The following CEP128 variants were observed in gnomAD, a reference collection of about 807,000 sequenced individuals.
CEP128 encodes the protein centrosomal protein 128kDa.
In CEP128, 132 loss-of-function variants were observed where a neutral mutation model predicts 156.7. The ratio of observed to expected loss-of-function variants is 0.84; its 90% CI spans 0.73 to 0.97. The LOEUF (loss-of-function observed/expected upper bound fraction) is 0.97. CEP128 is among the 50% of genes least tolerant of loss of function. The pLI is 0.00. For synonymous variants in CEP128, 469 were observed against 448.9 expected (o/e 1.04, Z -0.57); for missense variants, 1,252 against 1,281.9 (o/e 0.98, Z 0.36).
intron 2 of CEP128, among the ~76,000 whole-genome samples, chr14:80,925,333 T>A (rs551969993): frequency 2.3e-4 from 34 of 151,046 alleles, no homozygotes; most frequent in Non-Finnish European, 4.1e-4. Context: ...AGGTGGCCAA[T>A]GAGATTGAGA....
At chr14:80,532,007 G>A (rs957623351) in intron 21 of CEP128, among the ~76,000 whole-genome samples, 14 of 152,056 alleles carry the variant, frequency 9.2e-5, no homozygotes, top group Non-Finnish European at 1.2e-4. Context: ...TGGATTTCAC[G>A]TGAGTCACAC....
chr14:80,601,820 T>G (rs1220928890), intron 19 of CEP128, among the ~76,000 whole-genome samples: 1 of 152,186 alleles, frequency 6.6e-6, no homozygotes, highest in Non-Finnish European at 1.5e-5. Flanking sequence ...TATTACCTTA[T>G]GGGAACACTG....
intron 2 of CEP128, among the ~76,000 whole-genome samples, chr14:80,953,106 A>G (rs540263518): frequency 1.3e-5 from 2 of 152,380 alleles, no homozygotes; most frequent in Non-Finnish European, 2.9e-5. Flanking sequence ...ACAAACTCCT[A>G]TAGAAATTTA....
In CEP128 at chr14:80,884,789, C is replaced by T. The variant is rs562662618; in HGVS notation, c.645+10929G>A. 2.0e-5 allele frequency among the ~76,000 whole-genome samples: 3 copies of T among 152,262 alleles called. No homozygotes were observed. The East Asian group carries it at 5.8e-4, about 29-fold the overall frequency. ...TTTTTCTTTTGTAGCCCAGTGGTGC[C>T]TGGAACCCCAGCGAGACAGAACTGT... On this transcript the variant is annotated intron_variant, in intron 8 of 24. Transcript: ENST00000555265.
chr14:80,945,176 G>C (rs1886309872), upstream of CEP128, among the ~76,000 whole-genome samples: 3 of 152,150 alleles, frequency 2.0e-5, no homozygotes, highest in South Asian at 6.2e-4. Context: ...TCTTTGGCTT[G>C]CAGAGATCCA....
At chr14:80,702,252 T>C (rs1015751856) in intron 19 of CEP128, among the ~76,000 whole-genome samples, 8 of 152,306 alleles carry the variant, frequency 5.3e-5, no homozygotes, top group African/African-American at 1.9e-4. Flanking sequence ...TAGTAGGCAC[T>C]AAACAAATAT....
intron 19 of CEP128, among the ~76,000 whole-genome samples, chr14:80,643,507 A>T (rs1894507611): frequency 1.3e-5 from 2 of 152,172 alleles, no homozygotes; most frequent in African/African-American, 4.8e-5. Flanking sequence ...TCATGAGGTC[A>T]GGAGATCAAG....
chr14:80,947,473 G>A lies in CEP128; in HGVS notation c.-171-7933C>T, dbSNP rs562721990. On this transcript the variant is annotated intron_variant, in intron 2 of 7. Coordinates refer to the CEP128 transcript ENST00000555529. ...TGTGTAATTTGTTGTAGGACCCTGT[G>A]AAAAATGAATATGCTAAGCCCTTTT... Among the ~76,000 whole-genome samples, 7 of 147,400 alleles carry A rather than the reference G, an allele frequency of 4.7e-5. No homozygotes were observed. In the South Asian group the frequency reaches 6.5e-4, roughly 14 times the overall value.
chr14:80,762,747 A>G (rs1268660213), intron 16 of CEP128, among the ~76,000 whole-genome samples: 1 of 152,086 alleles, frequency 6.6e-6, no homozygotes, highest in Non-Finnish European at 1.5e-5. Context: ...GTCTCCCCAG[A>G]CCACATCTGA....
At chr14:80,954,753 C>A (rs889629763) in intron 2 of CEP128, among the ~76,000 whole-genome samples, 1 of 152,216 alleles carries the variant, frequency 6.6e-6, no homozygotes, top group Admixed American at 6.5e-5. Context: ...ATCTTTTTGG[C>A]TACTGTGCGA....
chr14:80,637,683 C>A (rs753465211), intron 19 of CEP128, among the ~76,000 whole-genome samples: 1 of 152,088 alleles, frequency 6.6e-6, no homozygotes, highest in Admixed American at 6.5e-5. Flanking sequence ...GGTCTTAAAC[C>A]GTGAAACCTG....
chr14:80,654,119 G>A (rs1895030677), intron 19 of CEP128, among the ~76,000 whole-genome samples: 1 of 152,142 alleles, frequency 6.6e-6, no homozygotes, highest in Non-Finnish European at 1.5e-5. Flanking sequence ...TTTGACCTCA[G>A]GAGGAAGAGA....
At chr14:80,658,190 T>C (rs928158094) in intron 19 of CEP128, among the ~76,000 whole-genome samples, 4 of 152,244 alleles carry the variant, frequency 2.6e-5, no homozygotes, top group African/African-American at 9.6e-5. Flanking sequence ...TTGTCATTTC[T>C]GATCTGACAT....
chr14:80,494,525 T>C (rs1362483408), downstream of CEP128, among the ~76,000 whole-genome samples: 1 of 152,208 alleles, frequency 6.6e-6, no homozygotes, highest in Non-Finnish European at 1.5e-5. Context: ...CATCTCCTTA[T>C]ATGTAAGAAT....
At chr14:80,559,335 C>A (rs762747683) in intron 20 of CEP128, 33 bp from the exon 21 acceptor site, 2 of 1,551,934 alleles carry the variant, frequency 1.3e-6, no homozygotes, top group African/African-American at 2.8e-5. Context: ...AATTATAAAA[C>A]GAAGGCTGTT....
chr14:80,601,147 CAAAAG>C (rs1892565074), intron 19 of CEP128, among the ~76,000 whole-genome samples: 3 of 151,666 alleles, frequency 2.0e-5, no homozygotes, highest in Admixed American at 2.0e-4. Flanking sequence ...ATGTATTTAA[CAAAAG>C]AAAAGGCAAT....
chr14:80,850,880 C>A (rs781099136), intron 9 of CEP128, among the ~76,000 whole-genome samples: 1 of 151,960 alleles, frequency 6.6e-6, no homozygotes, highest in South Asian at 2.1e-4. Context: ...ACCCACTATA[C>A]GAAAATGTTA....
intron 13 of CEP128, among the ~76,000 whole-genome samples, chr14:80,808,091 G>A (rs1185551706): frequency 6.6e-6 from 1 of 152,218 alleles, no homozygotes; most frequent in Non-Finnish European, 1.5e-5. Context: ...ACCACCAGTA[G>A]TGGCACAAAC....
intron 19 of CEP128, among the ~76,000 whole-genome samples, chr14:80,614,209 G>A (rs1893119981): frequency 6.6e-6 from 1 of 152,166 alleles, no homozygotes; most frequent in Non-Finnish European, 1.5e-5. Flanking sequence ...ATGATAAAAT[G>A]ACTTAGAAGT....
Sources: gnomAD v4.1 joint callset for allele counts (sites outside exome capture counted in the v4.1 genomes callset) on GRCh38, gnomAD v4.1.1 for gene constraint, MANE v1.5 for transcripts, NCBI Gene and HGNC (gene_info 2026-07-23, HGNC 2026-07-21) for gene names.